Variants in TFPI2 observed in about 807,000 individuals in gnomAD.
TFPI2 encodes tissue factor pathway inhibitor 2, also known as placental protein 5.
In TFPI2, 23 loss-of-function variants were observed where a neutral mutation model predicts 23.1. The observed-to-expected ratio is 1.00, with a 90% CI of 0.72 to 1.41. The LOEUF is 1.41. Among genes scored for constraint, TFPI2 ranks in the 40% most tolerant of loss-of-function variants. The pLI is 0.00. For synonymous variants in TFPI2, 119 were observed against 111.7 expected, an observed-to-expected ratio of 1.07 and a Z score of -0.41; for missense variants, 291 against 299.6, an observed-to-expected ratio of 0.97 and a Z score of 0.21.
At position 93,890,630 on chromosome 7, in the gene TFPI2, T is replaced by G; in HGVS notation, c.49A>C (p.Thr17Pro). 1 of 1,613,338 alleles carries G rather than the reference T, an allele frequency of 6.2e-7. No homozygotes were observed. Residue 17 changes from threonine (T) to proline (P), a missense_variant, in exon 1 of 5, where the codon ACG becomes CCG. Physicochemically the swap from Thr to Pro is conservative, Grantham distance 38. Transcript: ENST00000222543. Reference sequence around the variant, plus strand: ...GCAGCATCGCCCAGTGCAGCCTCCGTCAGGAAAAGCAGCAGAATCGACAGC... The same window carrying G: ...GCAGCATCGCCCAGTGCAGCCTCCGGCAGGAAAAGCAGCAGAATCGACAGC... Reference protein sequence around the residue: ...LGLSILLLFLTEAALGDAAQE... With the variant: ...LGLSILLLFLPEAALGDAAQE...
intron 3 of TFPI2, among the ~76,000 whole-genome samples, chr7:93,888,001 T>C (rs1382269750): frequency 2.0e-5 from 3 of 152,240 alleles, no homozygotes; most frequent in African/African-American, 7.2e-5. Context: ...TTTCCTTGTT[T>C]GTTGAACTTT....
chr7:93,890,359 T>C (rs1049917937), intron 1 of TFPI2, 40 bp from the exon 2 acceptor site: 7 of 1,576,722 alleles, frequency 4.4e-6, no homozygotes, highest in Admixed American at 1.7e-5. Context: ...AGAGGGAAAG[T>C]GGTCAGGCGT....
rs1793989412 is a variant in TFPI2, at chr7:93,886,246, C to T, written c.*574G>A. 6.6e-6 allele frequency: 1 copy of T among 151,948 alleles called. No individual in the cohort carries two copies. Among genetic ancestry groups the T allele is most frequent in the African/African-American group, 2.4e-5 (1 of 41,408 alleles). The allele number at this position is 151,948 out of a possible 1,614,324, so 9.4% of individuals were successfully genotyped here. A position where few individuals can be genotyped will look rare whatever the true frequency, so the allele number is the denominator to read the frequency against. ...CTTTCCCAGAGGAGAACATTTCTGG[C>T]TTTAATAAATTGATTAGCTTTTTAA... On this transcript the variant is annotated 3_prime_UTR_variant, in exon 5 of 5. Transcript: ENST00000222543.
intron 3 of TFPI2, among the ~76,000 whole-genome samples, chr7:93,888,723 A>T (rs56036145): frequency 6.6e-6 from 1 of 151,702 alleles, no homozygotes; most frequent in African/African-American, 2.4e-5. Flanking sequence ...GCTACTCAGG[A>T]GGCTGAGGCA....
chr7:93,889,371 A>G (rs1794080553), intron 2 of TFPI2, 148 bp from the exon 3 acceptor site: 1 of 688,644 alleles, frequency 1.5e-6, no homozygotes, highest in South Asian at 2.7e-5. Flanking sequence ...ATGAATCCAG[A>G]TATTTACTTT....
rs1215713939 is a variant in TFPI2, at chr7:93,885,502, A to C, written c.*1318T>G. On this transcript the variant is annotated 3_prime_UTR_variant, in exon 5 of 5. Coordinates refer to ENST00000222543, the MANE Select transcript of TFPI2 (RefSeq NM_006528.4). ...ATATTTACACAAATATTATCTCCAC[A>C]ACTGTCCACCCCTCTGTTCTCTCCA... 2 of 152,062 alleles carry C rather than the reference A, an allele frequency of 1.3e-5. No individual in the cohort carries two copies. The highest frequency in any genetic ancestry group is 4.8e-5 in the African/African-American group (2 of 41,418). 9.4% of individuals were successfully genotyped at this position (152,062 alleles called of 1,614,324 possible).
rs762113170 is a variant in TFPI2 at position 93,889,132 on chromosome 7, T to G, written c.363A>C (p.Thr121=). 6 of 1,613,510 alleles carry G rather than the reference T, an allele frequency of 3.7e-6. No homozygotes were observed. Among genetic ancestry groups the G allele is most frequent in the Non-Finnish European group, 5.1e-6 (6 of 1,179,778 alleles). The change falls in exon 3 of 5, where the codon ACA becomes ACC. Residue 121 remains threonine (T), a synonymous_variant. Transcript: ENST00000222543. ...ACCCACCGGAAAAGAATTTTTCACA[T>G]GTCATGGAACTTAGATTAAAGAAAT... ...EKYFFNLSSM[T]CEKFFSGGCH...
intron 3 of TFPI2, among the ~76,000 whole-genome samples, chr7:93,888,315 ATACTT>A (rs1397793968): frequency 6.6e-6 from 1 of 152,144 alleles, no homozygotes; most frequent in African/African-American, 2.4e-5. Context: ...TCATTAATGA[ATACTT>A]TAATCTTTTA....
rs1232133988 is a variant in TFPI2 at position 93,889,559 on chromosome 7, T to C, written c.272-336A>G. On this transcript the variant is annotated intron_variant, in intron 2 of 4. Coordinates refer to ENST00000222543, the MANE Select transcript of TFPI2 (RefSeq NM_006528.4). ...CAGTTCCTTGAATGGAAAAGCCCCA[T>C]GTTCTCTTACAGGCCTTAACCGATA... 3.3e-5 allele frequency among the ~76,000 whole-genome samples: 5 copies of C among 152,132 alleles called. 1 individual carries two copies. Among genetic ancestry groups the C allele is most frequent in the Admixed American group, 3.3e-4 (5 of 15,278 alleles).
rs913088086 is a variant in TFPI2, at chr7:93,886,100, C to T, written c.*720G>A. 1.3e-5 allele frequency: 2 copies of T among 151,930 alleles called. No homozygotes were observed. Among genetic ancestry groups the T allele is most frequent in the African/African-American group, 4.8e-5 (2 of 41,374 alleles). 9.4% of individuals were successfully genotyped at this position (151,930 alleles called of 1,614,324 possible). ...TGGTTTTTTATAAGTTTAGTGGTCTCCAACCCACAATGTCTTAGGAAATAA... is the reference window on the plus strand; with the variant it reads ...TGGTTTTTTATAAGTTTAGTGGTCTTCAACCCACAATGTCTTAGGAAATAA... On this transcript the variant is annotated 3_prime_UTR_variant, in exon 5 of 5. Coordinates refer to ENST00000222543, the MANE Select transcript of TFPI2 (RefSeq NM_006528.4).
chr7:93,887,375 G>A lies in TFPI2; in HGVS notation c.517C>T (p.Arg173Cys), dbSNP rs771995294. ...DEGLCSANVT[R>C]YYFNPRYRTC... ...CTGTATCTTGGATTAAAATAATAGC[G>A]AGTCACATTGGCAGAGCACAGTCCC... is the stretch of plus-strand genomic sequence containing the variant. Residue 173 changes from arginine (R) to cysteine (C), a missense_variant, in exon 4 of 5, where the codon CGC becomes TGC. By Grantham distance (180) the Arg-to-Cys change is radical. Transcript: ENST00000222543. 2.0e-5 allele frequency: 33 copies of A among 1,613,520 alleles called. No homozygotes were observed. The Admixed American group carries it at 2.8e-4, about 14-fold the overall frequency.
chr7:93,889,248 AAT>A lies in TFPI2; in HGVS notation c.272-27_272-26del, dbSNP rs1450639242. On this transcript the variant is annotated intron_variant, in intron 2 of 4. Transcript: ENST00000222543. The stretch of plus-strand genomic sequence containing the variant: ...TCTAGGAAAAGGAGGGTAATAGAAC[AAT>A]GTTAGTCAAAAGTAGCCTTCTTATT... 8 of 1,534,820 alleles carry A rather than the reference AAT, an allele frequency of 5.2e-6. No homozygotes were observed. In the African/African-American group the frequency reaches 8.4e-5, roughly 16 times the overall value.
intron 3 of TFPI2, 45 bp from the exon 4 acceptor site, chr7:93,887,476 A>G: frequency 2.0e-6 from 3 of 1,501,214 alleles, no homozygotes; most frequent in Non-Finnish European, 1.8e-6. Flanking sequence ...TAATACCAGA[A>G]TTTTTAAATT....
Position 93,890,135 on chromosome 7 carries a change from A to C in TFPI2, c.271+2T>G, listed in dbSNP as rs1794097184. 5 of 1,593,314 alleles carry C rather than the reference A, an allele frequency of 3.1e-6. No individual in the cohort carries two copies. The highest frequency in any genetic ancestry group is 4.3e-6 in the Non-Finnish European group (5 of 1,164,742). ...AGTCCTGGGTGCGCGCAGGGCACTT[A>C]CTTTCTATCCTCCAGCAAGCATCGT... On this transcript the variant is annotated splice_donor_variant, in intron 2 of 4. Coordinates refer to ENST00000222543, the MANE Select transcript of TFPI2 (RefSeq NM_006528.4). LOFTEE classifies it high-confidence loss of function.
chr7:93,888,246 T>G (rs1260263742), intron 3 of TFPI2, among the ~76,000 whole-genome samples: 1 of 152,220 alleles, frequency 6.6e-6, no homozygotes, highest in African/African-American at 2.4e-5. Flanking sequence ...CTTAATTCTG[T>G]ATATATTCCA....
chr7:93,887,952 C>T (rs770460045), intron 3 of TFPI2, among the ~76,000 whole-genome samples: 1 of 152,238 alleles, frequency 6.6e-6, no homozygotes, highest in Admixed American at 6.5e-5. Flanking sequence ...CAACACAGTA[C>T]AGCTATAAAG....
rs778950207 is a variant in TFPI2, at chr7:93,889,101, G to A, written c.394C>T (p.Arg132Trp). Residue 132 changes from arginine to tryptophan, a missense_variant, in exon 3 of 5, where the codon CGG becomes TGG. Transcript: ENST00000222543. ...GGAAACCTGTTCTCAATCCGGTTCC[G>A]GTGACACCCACCGGAAAAGAATTTT... ...CEKFFSGGCH[R>W]NRIENRFPDE... 5 of 1,612,534 alleles carry A rather than the reference G, an allele frequency of 3.1e-6. No homozygotes were observed. Among genetic ancestry groups the A allele is most frequent in the Non-Finnish European group, 4.2e-6 (5 of 1,179,478 alleles).
intron 3 of TFPI2, among the ~76,000 whole-genome samples, chr7:93,888,588 A>AAGGAAGGAAGGAAGGAAG (rs1562778499): frequency 1.7e-5 from 1 of 58,622 alleles, no homozygotes; most frequent in Non-Finnish European, 3.1e-5. Context: ...AAGGAAGGAA[A>AAGGAAGGAAGGAAGGAAG]GAGAAAGAAA....
rs991407950 is a variant in TFPI2, at chr7:93,886,685, A to C, written c.*135T>G. ...TATAAAAAAATCCAAATTTTTTAAA[A>C]AGTGACTTGTATTAATAAAAACTGG... On this transcript the variant is annotated 3_prime_UTR_variant, in exon 5 of 5. Coordinates refer to ENST00000222543, the MANE Select transcript of TFPI2 (RefSeq NM_006528.4). 3.2e-5 allele frequency: 20 copies of C among 627,902 alleles called. No individual in the cohort carries two copies. The highest frequency in any genetic ancestry group is 4.4e-5 in the Non-Finnish European group (17 of 384,094). 38.9% of individuals were successfully genotyped at this position (627,902 alleles called of 1,614,324 possible).
Sources: allele counts gnomAD v4.1 joint callset (sites outside exome capture counted in the v4.1 genomes callset), GRCh38; gene constraint gnomAD v4.1.1; transcripts MANE v1.5; gene names NCBI Gene and HGNC (gene_info 2026-07-23, HGNC 2026-07-21).